Variants in NHSL2 observed in about 807,000 individuals in gnomAD.
NHSL2 encodes the protein NHS-like protein 2.
A neutral mutation model predicts 53.4 loss-of-function variants in NHSL2; 27 were observed. The ratio of observed to expected loss-of-function variants is 0.51; its 90% CI spans 0.37 to 0.70. NHSL2 has a LOEUF of 0.70. NHSL2 is among the 30% of genes least tolerant of loss of function. The probability of loss-of-function intolerance (pLI) is 0.00; values close to 1 mark genes in which losing one functional copy is unlikely to be tolerated. For synonymous variants in NHSL2, 408 were observed against 404.1 expected, an observed-to-expected ratio of 1.01 and a Z score of -0.12; for missense variants, 892 against 980.1, an observed-to-expected ratio of 0.91 and a Z score of 1.20.
intron 1 of NHSL2, among the ~76,000 whole-genome samples, chrX:72,012,368 A>G (rs757178480): frequency 8.9e-6 from 1 of 112,239 alleles, no homozygotes; most frequent in East Asian, 2.8e-4. Context: ...AAACAACAGA[A>G]TGTATTCTCT....
rs962396897 is a variant in NHSL2, at chrX:72,151,489, G to A, written c.*7915G>A. 1 of 112,039 alleles carries A rather than the reference G, an allele frequency of 8.9e-6. No individual in the cohort carries two copies. Among genetic ancestry groups the A allele is most frequent in the Non-Finnish European group, 1.9e-5 (1 of 53,206 alleles). 9.2% of individuals were successfully genotyped at this position (112,039 alleles called of 1,213,427 possible). On this transcript the variant is annotated 3_prime_UTR_variant, in exon 8 of 8. Coordinates refer to ENST00000633930, the MANE Select transcript of NHSL2 (RefSeq NM_001013627.3). ...TCCCATCTACTGCATTGTCAGACCA[G>A]ACTGACTGCACAGGAGCAGGTGGAG...
intron 1 of NHSL2, among the ~76,000 whole-genome samples, chrX:72,070,932 G>T (rs921574827): frequency 1.8e-5 from 2 of 112,146 alleles, no homozygotes; most frequent in African/African-American, 6.5e-5. Flanking sequence ...CTTGCCAAAA[G>T]TGTGCCATGC....
chrX:72,138,784 T>C lies in NHSL2; in HGVS notation c.1236T>C (p.Asn412=). Residue 412 remains asparagine (N), a synonymous_variant, in exon 6 of 8, where the codon AAT becomes AAC. Coordinates refer to ENST00000633930, the MANE Select transcript of NHSL2 (RefSeq NM_001013627.3). The part of the protein sequence containing the change: ...PSATSQSNQV[N]ENGKNPSCGN... Reference sequence around the variant, plus strand: ...CCACCAGCCAGAGCAATCAAGTCAATGAAAATGGGAAAAATCCTTCCTGTG... The same window carrying C: ...CCACCAGCCAGAGCAATCAAGTCAACGAAAATGGGAAAAATCCTTCCTGTG... The C allele has an allele frequency of 8.3e-7, 1 of 1,210,524 alleles. No homozygotes were observed. Among genetic ancestry groups the C allele is most frequent in the Non-Finnish European group, 1.1e-6 (1 of 894,589 alleles).
At chrX:72,033,183 C>CTTTT (rs771573442) in intron 1 of NHSL2, among the ~76,000 whole-genome samples, 18 of 78,982 alleles carry the variant, frequency 2.3e-4, no homozygotes, top group African/African-American at 9.1e-4. Context: ...GAAGAATTGA[C>CTTTT]TTTTTTTTTT....
At chrX:72,100,577 C>G (rs962614237) in intron 1 of NHSL2, among the ~76,000 whole-genome samples, 1 of 112,061 alleles carries the variant, frequency 8.9e-6, no homozygotes, top group Non-Finnish European at 1.9e-5. Flanking sequence ...GAGTGGCAGG[C>G]GGGCGAGCAT....
chrX:71,978,977 G>A (rs2041962162), intron 1 of NHSL2, among the ~76,000 whole-genome samples: 1 of 94,305 alleles, frequency 1.1e-5, no homozygotes, highest in African/African-American at 4.1e-5. Flanking sequence ...TGTTCTCATT[G>A]TTCAGTTCCC....
intron 1 of NHSL2, among the ~76,000 whole-genome samples, chrX:72,090,393 A>G (rs1172196796): frequency 1.8e-5 from 2 of 111,583 alleles, no homozygotes; most frequent in Admixed American, 9.5e-5. Flanking sequence ...GGAATTATTT[A>G]TGTATTTTAC....
intron 1 of NHSL2, among the ~76,000 whole-genome samples, chrX:71,926,458 T>C (rs1193968623): frequency 9.0e-6 from 1 of 111,405 alleles, no homozygotes; most frequent in African/African-American, 3.3e-5. Flanking sequence ...CTTAACTGTA[T>C]TTTAGAATCA....
In NHSL2 at chrX:71,991,568, T is replaced by C. The variant is rs377757145; in HGVS notation, c.280+80201T>C. ...AGCTGCAGAGGGAGATTTTATTCCA[T>C]TGAAAATAATTGTCTTTACATAGCC... On this transcript the variant is annotated intron_variant, in intron 1 of 7. Coordinates refer to ENST00000633930, the MANE Select transcript of NHSL2 (RefSeq NM_001013627.3). Among the ~76,000 whole-genome samples the C allele has an allele frequency of 1.5e-4, 17 of 112,511 alleles. No homozygotes were observed. In the East Asian group the frequency reaches 1.7e-3, roughly 11 times the overall value.
chrX:72,090,302 C>T (rs371351397), intron 1 of NHSL2, among the ~76,000 whole-genome samples: 5 of 111,051 alleles, frequency 4.5e-5, no homozygotes, highest in South Asian at 3.8e-4. Context: ...TGAGCTCAAG[C>T]GATCCTCCTG....
chrX:72,003,861 C>T (rs1425758398), intron 1 of NHSL2, among the ~76,000 whole-genome samples: 1 of 111,349 alleles, frequency 9.0e-6, no homozygotes, highest in African/African-American at 3.3e-5. Context: ...TGGAAGGTCA[C>T]CCAGCTAGTA....
At chrX:72,012,906 C>T (rs2042121694) in intron 1 of NHSL2, among the ~76,000 whole-genome samples, 1 of 112,457 alleles carries the variant, frequency 8.9e-6, no homozygotes, top group Admixed American at 9.4e-5. Context: ...GTGTCTGTCC[C>T]TCCACCAATA....
chrX:71,972,289 C>T (rs1452751137), intron 1 of NHSL2, among the ~76,000 whole-genome samples: 1 of 111,994 alleles, frequency 8.9e-6, no homozygotes, highest in Non-Finnish European at 1.9e-5. Flanking sequence ...CCCTCCTTGG[C>T]CTCCCAAAGT....
intron 1 of NHSL2, among the ~76,000 whole-genome samples, chrX:72,085,699 T>C (rs1376345534): frequency 1.0e-5 from 1 of 96,274 alleles, no homozygotes; most frequent in Non-Finnish European, 2.1e-5. Flanking sequence ...TAGGAGAAAT[T>C]CTTTGTTTTT....
rs184042522 is a variant in NHSL2 at position 72,056,367 on chromosome X, G to C, written c.281-75712G>C. ...TAGGTGACTGGTTATGTAAACTATG[G>C]AGCATCCATATAGTGGGGCATTATG... On this transcript the variant is annotated intron_variant, in intron 1 of 7. Coordinates refer to ENST00000633930, the MANE Select transcript of NHSL2 (RefSeq NM_001013627.3). 7.2e-5 allele frequency among the ~76,000 whole-genome samples: 8 copies of C among 111,746 alleles called. No individual in the cohort carries two copies. The East Asian group carries it at 2.2e-3, about 31-fold the overall frequency.
intron 1 of NHSL2, among the ~76,000 whole-genome samples, chrX:71,927,158 T>C (rs182234193): frequency 4.4e-5 from 5 of 112,480 alleles, no homozygotes; most frequent in Admixed American, 1.9e-4. Context: ...ACTAAGCAGT[T>C]TGTCCACAAG....
chrX:72,131,428 C>T (rs1247419972), intron 1 of NHSL2: 1 of 1,211,298 alleles, frequency 8.3e-7, no homozygotes, highest in Admixed American at 2.2e-5. Context: ...GGCCAGGGCT[C>T]TCCCGAGCTG....
At chrX:72,117,042 C>A (rs2042144838) in intron 1 of NHSL2, among the ~76,000 whole-genome samples, 1 of 110,743 alleles carries the variant, frequency 9.0e-6, no homozygotes, top group African/African-American at 3.3e-5. Flanking sequence ...TGGCATAGGG[C>A]CAGGAGAGCT....
At chrX:72,052,510 C>T (rs2042346697) in intron 1 of NHSL2, among the ~76,000 whole-genome samples, 1 of 112,525 alleles carries the variant, frequency 8.9e-6, no homozygotes, top group South Asian at 3.6e-4. Context: ...CACATGATTT[C>T]TGGAACAAGG....
Sources: allele counts gnomAD v4.1 joint callset (sites outside exome capture counted in the v4.1 genomes callset), GRCh38; gene constraint gnomAD v4.1.1; transcripts MANE v1.5; gene names NCBI Gene and HGNC (gene_info 2026-07-23, HGNC 2026-07-21).